Variants in GNL3L observed in about 807,000 individuals in gnomAD.
The protein encoded by GNL3L is G protein nucleolar 3 like.
In GNL3L, 4 loss-of-function variants were observed where a neutral mutation model predicts 42.9. That is an observed-to-expected ratio of 0.09 (90% CI 0.05 to 0.21). The LOEUF is 0.21. Ranked by LOEUF, GNL3L falls within the 10% of genes least tolerant of loss-of-function variation. GNL3L has a pLI of 1.00. For synonymous variants in GNL3L, 159 were observed against 176.3 expected, an observed-to-expected ratio of 0.90 and a Z score of 0.78; for missense variants, 412 against 481.7, an observed-to-expected ratio of 0.86 and a Z score of 1.36.
At chrX:54,538,527 C>A (rs887806577) in intron 2 of GNL3L, among the ~76,000 whole-genome samples, 1 of 111,312 alleles carries the variant, frequency 9.0e-6, no homozygotes, top group African/African-American at 3.3e-5. Context: ...TGGTAGATCT[C>A]TTCTTTTTGT....
chrX:54,584,279 G>A (rs917430952), intron 16 of GNL3L, among the ~76,000 whole-genome samples: 6 of 109,766 alleles, frequency 5.5e-5, no homozygotes, highest in East Asian at 2.8e-4. Context: ...TGATCCACCC[G>A]CCTCGGCCTC....
intron 16 of GNL3L, among the ~76,000 whole-genome samples, chrX:54,588,667 A>T (rs1276703644): frequency 1.8e-5 from 2 of 111,628 alleles, no homozygotes; most frequent in African/African-American, 6.5e-5. Flanking sequence ...TCTACTAAAA[A>T]TACAAAAACT....
chrX:54,555,021 A>T (rs1200682845), intron 14 of GNL3L, among the ~76,000 whole-genome samples: 1 of 107,285 alleles, frequency 9.3e-6, no homozygotes, highest in Non-Finnish European at 1.9e-5. Context: ...TTATTTTTTT[A>T]TTTTTTTTTG....
chrX:54,581,000 C>T (rs1043338488), intron 16 of GNL3L, among the ~76,000 whole-genome samples: 1 of 110,214 alleles, frequency 9.1e-6, no homozygotes, highest in Non-Finnish European at 1.9e-5. Flanking sequence ...AGGCTGGTCT[C>T]GAACTCCTGA....
intron 16 of GNL3L, among the ~76,000 whole-genome samples, chrX:54,572,600 C>T (rs1468190807): frequency 9.0e-6 from 1 of 110,517 alleles, no homozygotes; most frequent in South Asian, 3.9e-4. Flanking sequence ...AGGCGCCCCT[C>T]ACCTCCCGGA....
rs759142959 is a variant in GNL3L at position 54,594,535 on chromosome X, T to C, written c.*46-26310T>C. 2.6e-3 allele frequency among the ~76,000 whole-genome samples: 276 copies of C among 107,903 alleles called. 2 individuals carry two copies. Among genetic ancestry groups the C allele is most frequent in the African/African-American group, 9.1e-3 (269 of 29,674 alleles). The allele number at this position is 107,903 out of a possible 115,157, so 93.7% of individuals were successfully genotyped here. On this transcript the variant is annotated intron_variant, in intron 16 of 16. Coordinates refer to the GNL3L transcript ENST00000674498. ...CATGTTTCTTGTCAGCAACAGATCA[T>C]TGGGCCTTTTTTTTTTTTTAAAAAA... is the stretch of plus-strand genomic sequence containing the variant.
chrX:54,556,223 G>A (rs1434717369), intron 14 of GNL3L, among the ~76,000 whole-genome samples: 1 of 111,151 alleles, frequency 9.0e-6, no homozygotes, highest in Admixed American at 9.6e-5. Flanking sequence ...AGTTCAGCAC[G>A]GCTGGGGAGG....
the GNL3L span, among the ~76,000 whole-genome samples, chrX:54,631,702 G>C: frequency 1.8e-5 from 2 of 111,450 alleles, no homozygotes; most frequent in Non-Finnish European, 3.8e-5. Flanking sequence ...TACTTGATAG[G>C]TGAATTCTTA....
chrX:54,571,856 A>G (rs1925548177), downstream of GNL3L, among the ~76,000 whole-genome samples: 1 of 108,305 alleles, frequency 9.2e-6, no homozygotes, highest in Non-Finnish European at 1.9e-5. Context: ...TTTCCTCTTC[A>G]CCTGCTTTCC....
rs1925286588 is a variant in GNL3L, at chrX:54,562,100, C to T, written c.*1498C>T. ...TTGCTCTGTTGCCCAGGCTGGAGTGCAATGGCGTGATCTCGGCTCACTGCA... is the reference window on the plus strand; with the variant it reads ...TTGCTCTGTTGCCCAGGCTGGAGTGTAATGGCGTGATCTCGGCTCACTGCA... On this transcript the variant is annotated 3_prime_UTR_variant, in exon 16 of 16. Coordinates refer to ENST00000360845, the MANE Select transcript of GNL3L (RefSeq NM_001184819.2). Among the ~76,000 whole-genome samples, 1 of 112,269 alleles carries T rather than the reference C, an allele frequency of 8.9e-6. No individual in the cohort carries two copies. Among genetic ancestry groups the T allele is most frequent in the African/African-American group, 3.2e-5 (1 of 30,942 alleles).
At chrX:54,594,541 CTT>C (rs766441455) in intron 16 of GNL3L, among the ~76,000 whole-genome samples, 36 of 95,131 alleles carry the variant, frequency 3.8e-4, no homozygotes, top group African/African-American at 1.3e-3. Flanking sequence ...ATCATTGGGC[CTT>C]TTTTTTTTTT....
chrX:54,548,134 A>G, intron 8 of GNL3L, 95 bp from the exon 9 acceptor site: 1 of 617,027 alleles, frequency 1.6e-6, no homozygotes, highest in Non-Finnish European at 2.6e-6. Flanking sequence ...TGAGGAGCTC[A>G]GTGATCATAG....
At chrX:54,550,533 A>C (rs1924907379) in intron 9 of GNL3L, among the ~76,000 whole-genome samples, 1 of 111,217 alleles carries the variant, frequency 9.0e-6, no homozygotes, top group Admixed American at 9.6e-5. Flanking sequence ...AGCAAAATAC[A>C]CACCTCAGGT....
At chrX:54,616,749 G>C (rs769131533) in intron 16 of GNL3L, among the ~76,000 whole-genome samples, 4 of 111,564 alleles carry the variant, frequency 3.6e-5, no homozygotes, top group Non-Finnish European at 7.5e-5. Context: ...AAGTCAACTG[G>C]ATAGTGTTAG....
At chrX:54,634,507 T>G in the GNL3L span, among the ~76,000 whole-genome samples, 1 of 109,953 alleles carries the variant, frequency 9.1e-6, no homozygotes, top group Non-Finnish European at 1.9e-5. Context: ...TGAGACGGAG[T>G]CTTGCTCTGT....
At chrX:54,578,956 A>G (rs1300663128) in intron 16 of GNL3L, among the ~76,000 whole-genome samples, 1 of 112,045 alleles carries the variant, frequency 8.9e-6, no homozygotes, top group Non-Finnish European at 1.9e-5. Flanking sequence ...TTGAATATGC[A>G]TTTCTCTCGT....
At chrX:54,591,297 A>C (rs775370292) in intron 16 of GNL3L, among the ~76,000 whole-genome samples, 1 of 110,890 alleles carries the variant, frequency 9.0e-6, no homozygotes, top group Non-Finnish European at 1.9e-5. Context: ...CTTTGTAAAA[A>C]ATGAGTTCAC....
intron 16 of GNL3L, among the ~76,000 whole-genome samples, chrX:54,595,426 T>C (rs1925919953): frequency 1.8e-5 from 2 of 112,030 alleles, no homozygotes; most frequent in Admixed American, 1.9e-4. Context: ...GGGAGCTCCA[T>C]TGTATGTTCT....
chrX:54,589,234 G>A (rs1925833757), intron 16 of GNL3L, among the ~76,000 whole-genome samples: 2 of 110,560 alleles, frequency 1.8e-5, no homozygotes, highest in South Asian at 3.8e-4. Flanking sequence ...ATAAATAGAC[G>A]GAAAAATAGT....
Sources: gnomAD v4.1 joint callset for allele counts (sites outside exome capture counted in the v4.1 genomes callset) on GRCh38, gnomAD v4.1.1 for gene constraint, MANE v1.5 for transcripts, NCBI Gene and HGNC (gene_info 2026-07-23, HGNC 2026-07-21) for gene names.